Variants in NXPH1 observed in about 807,000 individuals in gnomAD.
NXPH1 encodes neurexophilin-1.
NXPH1 carries 5 observed loss-of-function variants against 23.7 expected under a neutral mutation model. The ratio of observed to expected loss-of-function variants is 0.21; its 90% CI spans 0.11 to 0.44. The LOEUF is 0.44. NXPH1 is among the 20% of genes least tolerant of loss of function. NXPH1 has a pLI of 0.99. For synonymous variants in NXPH1, 144 were observed against 122.2 expected, an observed-to-expected ratio of 1.18 and a Z score of -1.18; for missense variants, 324 against 321.6, an observed-to-expected ratio of 1.01 and a Z score of -0.06.
intron 2 of NXPH1, among the ~76,000 whole-genome samples, chr7:8,465,600 C>T (rs186033599): frequency 6.6e-6 from 1 of 152,320 alleles, no homozygotes; most frequent in African/African-American, 2.4e-5. Flanking sequence ...AAGCAGGGGG[C>T]ATTTTCACGG....
chr7:8,634,142 C>G (rs1820177337), intron 2 of NXPH1, among the ~76,000 whole-genome samples: 1 of 152,114 alleles, frequency 6.6e-6, no homozygotes, highest in Non-Finnish European at 1.5e-5. Context: ...CAAATCTCAT[C>G]TTGAACTGTA....
intron 2 of NXPH1, among the ~76,000 whole-genome samples, chr7:8,481,384 A>G (rs1199119983): frequency 6.6e-6 from 1 of 152,200 alleles, no homozygotes; most frequent in Non-Finnish European, 1.5e-5. Context: ...TTGGGAAAGA[A>G]AAACACCTCC....
At position 8,435,839 on chromosome 7, in the gene NXPH1, G is replaced by T; in HGVS notation, c.54+72G>T. ...GAGGCAAGGAAACTGGGGACACGCG[G>T]GAGAAGGGTTACGCCGCCAGTTCAG... On this transcript the variant is annotated intron_variant, in intron 2 of 2. Transcript: ENST00000405863. This position sits in a 1 kb window ranked among gnomAD's most constrained non-coding sequence, Gnocchi z 5.9. The T allele has an allele frequency of 7.1e-7, 1 of 1,413,350 alleles. No individual in the cohort carries two copies. The highest frequency in any genetic ancestry group is 1.7e-5 in the Admixed American group (1 of 59,798). 87.6% of individuals were successfully genotyped at this position (1,413,350 alleles called of 1,614,324 possible).
chr7:8,586,539 G>A lies in NXPH1; in HGVS notation c.54+150772G>A, dbSNP rs564158435. ...GAGTTTTGTTCAGTCTTGAAGAGTA[G>A]AGCCAAATAGCCAAGGTAGAAAGGG... is the stretch of plus-strand genomic sequence containing the variant. On this transcript the variant is annotated intron_variant, in intron 2 of 2. Coordinates refer to ENST00000405863, the MANE Select transcript of NXPH1 (RefSeq NM_152745.3). Among the ~76,000 whole-genome samples the A allele has an allele frequency of 1.5e-3, 222 of 151,932 alleles. 1 individual carries two copies. The highest frequency in any genetic ancestry group is 2.6e-3 in the Non-Finnish European group (175 of 67,982).
chr7:8,487,945 T>C (rs1817186382), intron 2 of NXPH1, among the ~76,000 whole-genome samples: 1 of 152,100 alleles, frequency 6.6e-6, no homozygotes, highest in Non-Finnish European at 1.5e-5. Flanking sequence ...TAGAATAACG[T>C]ATTAAAGAGT....
At chr7:8,689,035 C>A (rs1177621516) in intron 2 of NXPH1, among the ~76,000 whole-genome samples, 2 of 151,826 alleles carry the variant, frequency 1.3e-5, no homozygotes, top group African/African-American at 4.8e-5. Flanking sequence ...GTCTCTTTTT[C>A]AAAAAATGTT....
intron 2 of NXPH1, among the ~76,000 whole-genome samples, chr7:8,571,485 C>T (rs987400486): frequency 6.6e-6 from 1 of 151,722 alleles, no homozygotes; most frequent in Non-Finnish European, 1.5e-5. Flanking sequence ...GCCTGTAGGA[C>T]ATGGAAGATC....
intron 2 of NXPH1, among the ~76,000 whole-genome samples, chr7:8,527,056 A>C (rs1287679600): frequency 1.3e-5 from 2 of 152,214 alleles, no homozygotes; most frequent in Non-Finnish European, 2.9e-5. Context: ...TACCAAAAAA[A>C]AAATGGGTAG....
intron 2 of NXPH1, among the ~76,000 whole-genome samples, chr7:8,486,724 C>T (rs928379020): frequency 5.3e-5 from 8 of 152,166 alleles, no homozygotes; most frequent in African/African-American, 1.9e-4. Flanking sequence ...ATCTTTCTTT[C>T]CATTCCTGGC....
chr7:8,676,314 G>A (rs1672279793), intron 2 of NXPH1, among the ~76,000 whole-genome samples: 1 of 152,156 alleles, frequency 6.6e-6, no homozygotes, highest in African/African-American at 2.4e-5. Context: ...AGCAAAGGAT[G>A]GAATTCTGGT....
intron 2 of NXPH1, among the ~76,000 whole-genome samples, chr7:8,494,747 T>G (rs1817308623): frequency 6.6e-6 from 1 of 152,198 alleles, no homozygotes; most frequent in East Asian, 1.9e-4. Flanking sequence ...ATTGTTCTTA[T>G]TCCAGGTACA....
Position 8,721,518 on chromosome 7 carries a change from G to A in NXPH1, c.55-29490G>A, listed in dbSNP as rs116072278. 3.1e-3 allele frequency among the ~76,000 whole-genome samples: 479 copies of A among 152,342 alleles called. 2 individuals carry two copies. The highest frequency in any genetic ancestry group is 0.011 in the African/African-American group (454 of 41,578). On this transcript the variant is annotated intron_variant, in intron 2 of 2. Coordinates refer to ENST00000405863, the MANE Select transcript of NXPH1 (RefSeq NM_152745.3). ...AATGCATTTCTTGTGGCTCACGCCTGTAATCCCAGCACTTTGGGAGGCCGA... is the reference window on the plus strand; with the variant it reads ...AATGCATTTCTTGTGGCTCACGCCTATAATCCCAGCACTTTGGGAGGCCGA...
intron 2 of NXPH1, among the ~76,000 whole-genome samples, chr7:8,703,992 CTT>C (rs1170603781): frequency 2.6e-5 from 4 of 152,004 alleles, no homozygotes; most frequent in Non-Finnish European, 5.9e-5. Context: ...GATAAGATAA[CTT>C]ATATTCTAGA....
intron 2 of NXPH1, among the ~76,000 whole-genome samples, chr7:8,696,386 C>A (rs143092458): frequency 2.0e-5 from 3 of 152,132 alleles, no homozygotes; most frequent in Non-Finnish European, 4.4e-5. Flanking sequence ...ATGGGTCTTA[C>A]ATTCTGAGGA....
chr7:8,514,355 T>A (rs1817656879), intron 2 of NXPH1, among the ~76,000 whole-genome samples: 1 of 152,154 alleles, frequency 6.6e-6, no homozygotes, highest in Non-Finnish European at 1.5e-5. Flanking sequence ...ATTTTTCTCA[T>A]TTAAAAAATC....
At chr7:8,533,191 C>A (rs1290138582) in intron 2 of NXPH1, among the ~76,000 whole-genome samples, 2 of 152,128 alleles carry the variant, frequency 1.3e-5, no homozygotes, top group Non-Finnish European at 2.9e-5. Context: ...ACATATTTTA[C>A]CCACTATCAT....
chr7:8,559,080 T>C (rs1363607078), intron 2 of NXPH1, among the ~76,000 whole-genome samples: 2 of 151,614 alleles, frequency 1.3e-5, no homozygotes, highest in Admixed American at 6.6e-5. Flanking sequence ...GACTTCCACC[T>C]CAGCCTGCTG....
intron 2 of NXPH1, among the ~76,000 whole-genome samples, chr7:8,498,941 G>A (rs1817385379): frequency 6.6e-6 from 1 of 152,040 alleles, no homozygotes; most frequent in African/African-American, 2.4e-5. Flanking sequence ...TTAAATAAAT[G>A]TCATATATTT....
chr7:8,479,419 C>G lies in NXPH1; in HGVS notation c.54+43652C>G, dbSNP rs553178912. 7.2e-4 allele frequency among the ~76,000 whole-genome samples: 110 copies of G among 152,174 alleles called. 1 individual carries two copies. Among genetic ancestry groups the G allele is most frequent in the African/African-American group, 2.5e-3 (106 of 41,570 alleles). On this transcript the variant is annotated intron_variant, in intron 2 of 2. Coordinates refer to ENST00000405863, the MANE Select transcript of NXPH1 (RefSeq NM_152745.3). The stretch of plus-strand genomic sequence containing the variant: ...TTTTTGTTGCAGAAGAAAGGAGATA[C>G]AGATGTAATTCGGAAAGGGCTGTAT...
Sources: gnomAD v4.1 joint callset for allele counts (sites outside exome capture counted in the v4.1 genomes callset) on GRCh38, gnomAD v4.1.1 for gene constraint, Gnocchi (gnomAD v3.1) non-coding constraint, MANE v1.5 for transcripts, NCBI Gene and HGNC (gene_info 2026-07-23, HGNC 2026-07-21) for gene names.